TRMT11: variants seen among roughly 807,000 people sequenced by gnomAD.
TRMT11 encodes tRNA methyltransferase 11.
In TRMT11, 53 loss-of-function variants were observed where a neutral mutation model predicts 62.8. The observed-to-expected ratio is 0.84, with a 90% CI of 0.68 to 1.06. The LOEUF is 1.06. TRMT11 is among the 50% of genes least tolerant of loss of function. The pLI, the probability that TRMT11 is intolerant of heterozygous loss-of-function variation, is 0.00. For missense variants in TRMT11, 556 were observed against 553.4 expected (o/e 1.00, Z -0.05); for synonymous variants, 188 against 190.3 (o/e 0.99, Z 0.10).
the TRMT11 span, among the ~76,000 whole-genome samples, chr6:126,224,864 G>C: frequency 6.6e-6 from 1 of 152,242 alleles, no homozygotes; most frequent in Non-Finnish European, 1.5e-5. Flanking sequence ...CTGCAGGCAA[G>C]TGCGTGCTGG....
intron 17 of TRMT11, among the ~76,000 whole-genome samples, chr6:126,078,835 C>G (rs924798914): frequency 3.9e-5 from 6 of 152,172 alleles, no homozygotes; most frequent in Non-Finnish European, 7.3e-5. Flanking sequence ...GTAGGAAGAA[C>G]TCATGGTAAC....
chr6:126,128,285 T>C (rs978957182), intron 21 of TRMT11, among the ~76,000 whole-genome samples: 1 of 152,138 alleles, frequency 6.6e-6, no homozygotes, highest in Non-Finnish European at 1.5e-5. Context: ...GAAAATAATA[T>C]ATATTCATTT....
At chr6:126,003,099 A>G (rs1268757828) in intron 7 of TRMT11, among the ~76,000 whole-genome samples, 1 of 152,092 alleles carries the variant, frequency 6.6e-6, no homozygotes, top group East Asian at 1.9e-4. Context: ...TTACAGTTAC[A>G]AATAATGCTT....
intron 17 of TRMT11, among the ~76,000 whole-genome samples, chr6:126,071,637 GT>G (rs771321706): frequency 2.7e-5 from 4 of 150,914 alleles, no homozygotes; most frequent in Non-Finnish European, 5.9e-5. Context: ...CAGCGAGAGA[GT>G]AAATGGGTTT....
At chr6:126,227,748 ATCTC>A in the TRMT11 span, among the ~76,000 whole-genome samples, 1 of 152,148 alleles carries the variant, frequency 6.6e-6, no homozygotes, top group Non-Finnish European at 1.5e-5. Context: ...ACTGACCAGG[ATCTC>A]TCTCTCATTT....
chr6:126,244,299 G>A, the TRMT11 span, among the ~76,000 whole-genome samples: 1 of 151,972 alleles, frequency 6.6e-6, no homozygotes, highest in East Asian at 1.9e-4. Context: ...TTGCTGGCAT[G>A]GTTTGCTATA....
At chr6:126,162,244 G>A (rs1562337556) in intron 21 of TRMT11, among the ~76,000 whole-genome samples, 2 of 152,082 alleles carry the variant, frequency 1.3e-5, no homozygotes, top group East Asian at 1.9e-4. Flanking sequence ...TGTATAAGGT[G>A]TAAGTAAAGG....
chr6:126,135,811 T>C (rs1202733879), intron 21 of TRMT11, among the ~76,000 whole-genome samples: 1 of 151,720 alleles, frequency 6.6e-6, no homozygotes, highest in Non-Finnish European at 1.5e-5. Flanking sequence ...ATTCACCTCA[T>C]AGATGCAAAG....
At chr6:126,170,286 G>A (rs113170796) in intron 21 of TRMT11, among the ~76,000 whole-genome samples, 122 of 152,076 alleles carry the variant, frequency 8.0e-4, no homozygotes, top group African/African-American at 2.7e-3. Flanking sequence ...CAAAAAACCC[G>A]AAACTGATTC....
rs1390664203 is a variant in TRMT11, at chr6:125,998,324, A to G, written c.387+9A>G. On this transcript the variant is annotated intron_variant, in intron 5 of 12. Transcript: ENST00000334379. ...AAATCAAGCGAATAGATGTAAGTAA[A>G]TTTAGCAAAACAAAAAACCTACATG... 6 of 1,558,726 alleles carry G rather than the reference A, an allele frequency of 3.8e-6. No individual in the cohort carries two copies. Among genetic ancestry groups the G allele is most frequent in the Non-Finnish European group, 5.3e-6 (6 of 1,137,298 alleles).
intron 21 of TRMT11, among the ~76,000 whole-genome samples, chr6:126,159,084 GTC>G (rs1292101644): frequency 1.3e-5 from 2 of 151,958 alleles, no homozygotes; most frequent in African/African-American, 4.8e-5. Context: ...TCTTCTAAAT[GTC>G]TGTTTTCTCC....
At chr6:126,147,920 ATAG>A (rs1777992553) in intron 21 of TRMT11, among the ~76,000 whole-genome samples, 1 of 152,110 alleles carries the variant, frequency 6.6e-6, no homozygotes, top group Non-Finnish European at 1.5e-5. Flanking sequence ...TAGGGAAGGG[ATAG>A]CATCAGGAGA....
chr6:126,045,670 T>A (rs1344315829), intron 16 of TRMT11, among the ~76,000 whole-genome samples: 1 of 152,116 alleles, frequency 6.6e-6, no homozygotes, highest in Non-Finnish European at 1.5e-5. Flanking sequence ...TAGCTTCAAG[T>A]CCACCCCACT....
intron 17 of TRMT11, among the ~76,000 whole-genome samples, chr6:126,089,320 G>T (rs1257425318): frequency 6.6e-6 from 1 of 152,020 alleles, no homozygotes; most frequent in Non-Finnish European, 1.5e-5. Flanking sequence ...CACCATGTTG[G>T]CCAGGCTGGT....
At chr6:126,136,054 G>A (rs1777845935) in intron 21 of TRMT11, among the ~76,000 whole-genome samples, 1 of 151,680 alleles carries the variant, frequency 6.6e-6, no homozygotes, top group Non-Finnish European at 1.5e-5. Context: ...AACATTGAAA[G>A]CCTTTCTACA....
At chr6:126,167,893 G>A (rs1030003791) in intron 21 of TRMT11, among the ~76,000 whole-genome samples, 1 of 152,174 alleles carries the variant, frequency 6.6e-6, no homozygotes, top group African/African-American at 2.4e-5. Flanking sequence ...TTCCAGCCCT[G>A]TCTGGAAGAA....
At chr6:126,162,252 AGG>A (rs1262746485) in intron 21 of TRMT11, among the ~76,000 whole-genome samples, 1 of 151,996 alleles carries the variant, frequency 6.6e-6, no homozygotes, top group Non-Finnish European at 1.5e-5. Flanking sequence ...GTGTAAGTAA[AGG>A]GTCCAGTTTC....
At chr6:125,991,844 T>C (rs1449683845) in intron 1 of TRMT11, among the ~76,000 whole-genome samples, 2 of 152,212 alleles carry the variant, frequency 1.3e-5, no homozygotes, top group Non-Finnish European at 2.9e-5. Flanking sequence ...GTACTTATTG[T>C]ACTAAATAGT....
intron 1 of TRMT11, among the ~76,000 whole-genome samples, chr6:126,191,637 GGT>G (rs1778601914): frequency 6.6e-6 from 1 of 151,296 alleles, no homozygotes; most frequent in Non-Finnish European, 1.5e-5. Context: ...GTATAAGATG[GGT>G]ATTTAGTTCC....
Sources: allele counts gnomAD v4.1 joint callset (sites outside exome capture counted in the v4.1 genomes callset), GRCh38; gene constraint gnomAD v4.1.1; transcripts MANE v1.5; gene names NCBI Gene and HGNC (gene_info 2026-07-23, HGNC 2026-07-21).